KCNU1: variants seen among roughly 807,000 people sequenced by gnomAD.
KCNU1 encodes the protein potassium channel subfamily U member 1.
In KCNU1, 93 loss-of-function variants were observed where a neutral mutation model predicts 126.8. That is an observed-to-expected ratio of 0.73 (90% CI 0.62 to 0.87). KCNU1 has a LOEUF of 0.87. Ranked by LOEUF, KCNU1 falls within the 40% of genes least tolerant of loss-of-function variation. KCNU1 has a pLI of 0.00. For synonymous variants in KCNU1, 523 were observed against 494.2 expected (o/e 1.06, Z -0.77); for missense variants, 1,330 against 1,367.1 (o/e 0.97, Z 0.43).
At chr8:36,866,725 C>T (rs2117347128) in intron 19 of KCNU1, among the ~76,000 whole-genome samples, 1 of 152,176 alleles carries the variant, frequency 6.6e-6, no homozygotes, top group South Asian at 2.1e-4. Context: ...AACTTCCATG[C>T]TGTCTAGATG....
chr8:36,872,215 G>A (rs942866415), intron 19 of KCNU1, among the ~76,000 whole-genome samples: 4 of 152,132 alleles, frequency 2.6e-5, no homozygotes, highest in Non-Finnish European at 4.4e-5. Context: ...CCCTTCTGGG[G>A]CAGCTTCCCT....
chr8:36,935,999 A>G lies in KCNU1; in HGVS notation c.*79A>G, dbSNP rs1414723544. ...GAGATGCTAACTTTGAACAAAGAAAATAAGAATGGAAGCATGCCATTTTTC... is the reference window on the plus strand; with the variant it reads ...GAGATGCTAACTTTGAACAAAGAAAGTAAGAATGGAAGCATGCCATTTTTC... On this transcript the variant is annotated 3_prime_UTR_variant, in exon 27 of 27. Coordinates refer to ENST00000399881, the MANE Select transcript of KCNU1 (RefSeq NM_001031836.3). 4.5e-6 allele frequency: 6 copies of G among 1,325,020 alleles called. No homozygotes were observed. The East Asian group carries it at 9.4e-5, about 21-fold the overall frequency. 82.1% of individuals were successfully genotyped at this position (1,325,020 alleles called of 1,614,324 possible).
intron 19 of KCNU1, among the ~76,000 whole-genome samples, chr8:36,893,010 A>G (rs1243711794): frequency 6.6e-6 from 1 of 152,158 alleles, no homozygotes; most frequent in Non-Finnish European, 1.5e-5. Flanking sequence ...CACCCAGGAC[A>G]GCATGCAGTG....
chr8:36,838,420 GT>G (rs1382347936), intron 14 of KCNU1, among the ~76,000 whole-genome samples: 3 of 152,196 alleles, frequency 2.0e-5, no homozygotes, highest in African/African-American at 7.2e-5. Flanking sequence ...GCCAGGTGTG[GT>G]GGCTCACGCC....
In KCNU1 at chr8:36,840,548, C is replaced by T. The variant is rs1245748676; in HGVS notation, c.1604C>T (p.Ala535Val). 1 of 1,609,534 alleles carries T rather than the reference C, an allele frequency of 6.2e-7. No homozygotes were observed. The highest frequency in any genetic ancestry group is 8.5e-7 in the Non-Finnish European group (1 of 1,176,152). The change falls in exon 15 of 27, where the codon GCT (alanine) becomes GTT (valine). Residue 535 changes from alanine to valine, a missense_variant. By Grantham distance (64) the Ala-to-Val change is moderately conservative (BLOSUM62 0). Coordinates refer to ENST00000399881, the MANE Select transcript of KCNU1 (RefSeq NM_001031836.3). Reference sequence around the variant, plus strand: ...ACCCAACGTCTCTCTGATGACTTTGCTGGAATGAGCTTTCCTGAAGTTGCC... The same window carrying T: ...ACCCAACGTCTCTCTGATGACTTTGTTGGAATGAGCTTTCCTGAAGTTGCC... ...ILTQRLSDDFAGMSFPEVARL... is the reference protein window; with the variant it reads ...ILTQRLSDDFVGMSFPEVARL...
At chr8:36,853,340 A>G (rs1195463014) in intron 18 of KCNU1, among the ~76,000 whole-genome samples, 2 of 152,216 alleles carry the variant, frequency 1.3e-5, no homozygotes, top group Admixed American at 1.3e-4. Flanking sequence ...ACAGAGCAAG[A>G]CTTCTCTCAA....
Position 36,858,457 on chromosome 8 carries a change from A to G in KCNU1, c.1892-5947A>G, listed in dbSNP as rs573576358. ...GGAAGGGCCCATATAAAAGAACAAG[A>G]TAATATACTAAAAAGTATAATCTCA... On this transcript the variant is annotated intron_variant, in intron 18 of 26. Transcript: ENST00000399881. Among the ~76,000 whole-genome samples, 5 of 152,302 alleles carry G rather than the reference A, an allele frequency of 3.3e-5. No homozygotes were observed. In the South Asian group the frequency reaches 8.3e-4, roughly 25 times the overall value.
In KCNU1 at chr8:36,784,437, A is replaced by G; in HGVS notation, c.27A>G (p.Glu9=). MFQTKLRN[E]TWEDLPKMSC... Reference sequence around the variant, plus strand: ...TGTTTCAGACTAAGCTACGAAATGAAACTTGGGAAGACTTGCCAAAAATGT... The same window carrying G: ...TGTTTCAGACTAAGCTACGAAATGAGACTTGGGAAGACTTGCCAAAAATGT... Residue 9 remains glutamate, a synonymous_variant, in exon 1 of 27, where the codon GAA becomes GAG. Coordinates refer to ENST00000399881, the MANE Select transcript of KCNU1 (RefSeq NM_001031836.3). 6.2e-7 allele frequency: 1 copy of G among 1,613,130 alleles called. No individual in the cohort carries two copies. The highest frequency in any genetic ancestry group is 2.2e-5 in the East Asian group (1 of 44,870).
intron 19 of KCNU1, among the ~76,000 whole-genome samples, chr8:36,880,567 G>T (rs755180365): frequency 6.6e-6 from 1 of 152,108 alleles, no homozygotes; most frequent in Non-Finnish European, 1.5e-5. Context: ...AAGCAAAAAG[G>T]AGAGAGAAAG....
In KCNU1 at chr8:36,825,348, A is replaced by G. The variant is rs976733703; in HGVS notation, c.1106+7588A>G. ...GAATCGTTAGACCTTTTTTATTTGC[A>G]TAAGGTGATATGTGATTCGAGCCTT... is the stretch of plus-strand genomic sequence containing the variant. On this transcript the variant is annotated intron_variant, in intron 10 of 26. Transcript: ENST00000399881. 4.6e-4 allele frequency among the ~76,000 whole-genome samples: 70 copies of G among 152,242 alleles called. 1 individual carries two copies. Among genetic ancestry groups the G allele is most frequent in the Admixed American group, 4.5e-3 (69 of 15,280 alleles).
At chr8:36,874,027 C>T (rs1477517043) in intron 19 of KCNU1, among the ~76,000 whole-genome samples, 2 of 152,082 alleles carry the variant, frequency 1.3e-5, no homozygotes, top group African/African-American at 4.8e-5. Context: ...AGTTTCCATA[C>T]CGTGGGATTA....
At chr8:36,862,548 G>A (rs1805769625) in intron 18 of KCNU1, among the ~76,000 whole-genome samples, 1 of 152,082 alleles carries the variant, frequency 6.6e-6, no homozygotes, top group African/African-American at 2.4e-5. Context: ...CCCCATACAA[G>A]CTGTTCTGTC....
chr8:36,932,894 C>T lies in KCNU1; in HGVS notation c.2932-26C>T, dbSNP rs368613460. The T allele has an allele frequency of 3.1e-6, 4 of 1,305,050 alleles. No individual in the cohort carries two copies. In the African/African-American group the frequency reaches 5.9e-5, roughly 19 times the overall value. The allele number at this position is 1,305,050 out of a possible 1,614,324, so 80.8% of individuals were successfully genotyped here. On this transcript the variant is annotated intron_variant, in intron 25 of 26. Coordinates refer to ENST00000399881, the MANE Select transcript of KCNU1 (RefSeq NM_001031836.3). ...TTGCTTGATCAAAGTGCCCAGCAGA[C>T]ATATTTTTGTCTCTTCTCTCCCCAG...
chr8:36,815,601 A>T lies in KCNU1; in HGVS notation c.909A>T (p.Leu303Phe). The T allele has an allele frequency of 1.3e-6, 2 of 1,541,586 alleles. No individual in the cohort carries two copies. The highest frequency in any genetic ancestry group is 2.4e-5 in the South Asian group (2 of 84,982). Residue 303 changes from leucine to phenylalanine, a missense_variant, in exon 9 of 27, where the codon TTA becomes TTT. Around this residue, in one of 3 missense-constraint regions of KCNU1, gnomAD observed 1,054 missense variants for 1,053.9 expected, o/e 1.00. Coordinates refer to ENST00000399881, the MANE Select transcript of KCNU1 (RefSeq NM_001031836.3). ...IMFFTLGSLILFANYIPEMVE... is the reference protein window; with the variant it reads ...IMFFTLGSLIFFANYIPEMVE... ...ATTTTGCTGATCAATTTTAGATATTATTTGCGAACTATATACCTGAAATGG... is the reference window on the plus strand; with the variant it reads ...ATTTTGCTGATCAATTTTAGATATTTTTTGCGAACTATATACCTGAAATGG...
At chr8:36,908,869 C>T (rs529307984) in intron 20 of KCNU1, among the ~76,000 whole-genome samples, 2 of 152,184 alleles carry the variant, frequency 1.3e-5, no homozygotes, top group African/African-American at 2.4e-5. Flanking sequence ...TGTTATACAG[C>T]TTGCTGTAAT....
Position 36,841,364 on chromosome 8 carries a change from G to A in KCNU1, c.1703+361G>A, listed in dbSNP as rs372838065. ...AATACCACAAAATTGAATCATTTGT[G>A]ATAAAAATGTTCCCACAAACACTGG... is the stretch of plus-strand genomic sequence containing the variant. On this transcript the variant is annotated intron_variant, in intron 16 of 26. Coordinates refer to ENST00000399881, the MANE Select transcript of KCNU1 (RefSeq NM_001031836.3). Among the ~76,000 whole-genome samples, 6 of 152,220 alleles carry A rather than the reference G, an allele frequency of 3.9e-5. No homozygotes were observed. In the East Asian group the frequency reaches 1.2e-3, roughly 29 times the overall value.
At chr8:36,881,616 A>G (rs941305506) in intron 19 of KCNU1, among the ~76,000 whole-genome samples, 2 of 152,144 alleles carry the variant, frequency 1.3e-5, no homozygotes, top group African/African-American at 4.8e-5. Flanking sequence ...GAGTAGTTGT[A>G]CAAAGTACTG....
chr8:36,900,807 A>G (rs1807387439), intron 19 of KCNU1, among the ~76,000 whole-genome samples: 1 of 152,106 alleles, frequency 6.6e-6, no homozygotes, highest in South Asian at 2.1e-4. Context: ...GTCACAATGG[A>G]GTTTTCAAAA....
intron 18 of KCNU1, among the ~76,000 whole-genome samples, chr8:36,861,976 TC>T (rs1403970615): frequency 6.6e-6 from 1 of 152,148 alleles, no homozygotes; most frequent in Non-Finnish European, 1.5e-5. Context: ...AGGTCTCAGA[TC>T]CCATGGTTTT....
Sources: gnomAD v4.1 joint callset for allele counts (sites outside exome capture counted in the v4.1 genomes callset) on GRCh38, gnomAD v4.1.1 for gene constraint, gnomAD v4.1.1 regional missense constraint, MANE v1.5 for transcripts, NCBI Gene and HGNC (gene_info 2026-07-23, HGNC 2026-07-21) for gene names.